Variants in FOXK2 observed in about 807,000 individuals in gnomAD.
FOXK2 encodes forkhead box protein K2.
In FOXK2, 24 loss-of-function variants were observed where a neutral mutation model predicts 53.3. That is an observed-to-expected ratio of 0.45 (90% confidence interval 0.33 to 0.63). FOXK2 has a LOEUF of 0.63. FOXK2 is among the 30% of genes least tolerant of loss of function. FOXK2 has a pLI of 0.03. For synonymous variants in FOXK2, 505 were observed against 407.1 expected (o/e 1.24, Z -2.89); for missense variants, 952 against 910.5 (o/e 1.05, Z -0.59).
chr17:82,577,012 A>AT lies in FOXK2; in HGVS notation c.909+5144dup, dbSNP rs1250773105. 10 of 410,458 alleles carry AT rather than the reference A, an allele frequency of 2.4e-5. No individual in the cohort carries two copies. In the East Asian group the frequency reaches 5.0e-4, roughly 21 times the overall value. The allele number at this position is 410,458 out of a possible 1,614,324, so 25.4% of individuals were successfully genotyped here. A position where few individuals can be genotyped will look rare whatever the true frequency, so the allele number is the denominator to read the frequency against. ...ACATCTCTACTAAAAATACAATATT[A>AT]TTAGCGGGGTGTGGTGGTGCGTGCC... is the stretch of plus-strand genomic sequence containing the variant. On this transcript the variant is annotated intron_variant, in intron 4 of 8. Transcript: ENST00000335255.
At chr17:82,567,612 C>A (rs1052471804) in intron 2 of FOXK2, among the ~76,000 whole-genome samples, 1 of 152,160 alleles carries the variant, frequency 6.6e-6, no homozygotes, top group Non-Finnish European at 1.5e-5. Flanking sequence ...GCTGGCAGAC[C>A]CCTCCCCTCC....
intron 4 of FOXK2, chr17:82,577,448 C>A: frequency 5.5e-6 from 2 of 364,770 alleles, no homozygotes; most frequent in Non-Finnish European, 1.0e-5. Context: ...GCATGCAGGG[C>A]GTGGCGGGCG....
Position 82,586,104 on chromosome 17 carries a change from T to A in FOXK2, c.1480T>A (p.Tyr494Asn), listed in dbSNP as rs1431334741. 88 of 1,612,496 alleles carry A rather than the reference T, an allele frequency of 5.5e-5. No individual in the cohort carries two copies. Among genetic ancestry groups the A allele is most frequent in the Non-Finnish European group, 7.3e-5 (86 of 1,179,938 alleles). ...GGCCGGACTGGCCCCAGCGAACACG[T>A]ACACTGTCTCTGGACAAGCTGTGGT... Reference protein sequence around the residue: ...SVAGLAPANTYTVSGQAVVTP... With the variant: ...SVAGLAPANTNTVSGQAVVTP... The change falls in exon 7 of 9, where the codon TAC becomes AAC. Residue 494 changes from tyrosine (Y) to asparagine (N), a missense_variant. Physicochemically the swap from Tyr to Asn is moderately radical, Grantham distance 143. Around this residue, in one of 5 missense-constraint regions of FOXK2, gnomAD observed 551 missense variants for 385.1 expected, o/e 1.43. Transcript: ENST00000335255.
At chr17:82,566,479 T>C (rs762670157) in intron 2 of FOXK2, among the ~76,000 whole-genome samples, 5 of 152,156 alleles carry the variant, frequency 3.3e-5, no homozygotes, top group Non-Finnish European at 7.4e-5. Context: ...ATAGTAAGTG[T>C]GCAAGTGGGT....
At chr17:82,549,087 T>C (rs1346338742) in intron 1 of FOXK2, among the ~76,000 whole-genome samples, 1 of 152,182 alleles carries the variant, frequency 6.6e-6, no homozygotes, top group Non-Finnish European at 1.5e-5. Flanking sequence ...CTAAAACACA[T>C]CCCGAATGAC....
intron 1 of FOXK2, among the ~76,000 whole-genome samples, chr17:82,550,659 C>T (rs548303363): frequency 3.0e-4 from 46 of 152,160 alleles, no homozygotes; most frequent in African/African-American, 9.9e-4. Flanking sequence ...CCCGCCACCA[C>T]GCCCGGCTAA....
chr17:82,520,727 G>A (rs964539574), intron 1 of FOXK2, among the ~76,000 whole-genome samples: 3 of 152,190 alleles, frequency 2.0e-5, no homozygotes, highest in African/African-American at 4.8e-5. Context: ...ACCGATGAAG[G>A]GTTGTCTGTT....
At position 82,597,199 on chromosome 17, in the gene FOXK2, T is replaced by A. The variant is rs570469554; in HGVS notation, c.1787-4104T>A. ...GATGGTCCTTCCTGGCACCATGTGG[T>A]CCTCGGTGCAAACCAGAGTTTGCAG... On this transcript the variant is annotated intron_variant, in intron 8 of 8. Transcript: ENST00000335255. Among the ~76,000 whole-genome samples the A allele has an allele frequency of 2.6e-5, 4 of 152,296 alleles. No homozygotes were observed. In the South Asian group the frequency reaches 8.3e-4, roughly 32 times the overall value.
intron 3 of FOXK2, among the ~76,000 whole-genome samples, chr17:82,569,946 G>A (rs920133715): frequency 4.0e-4 from 61 of 151,650 alleles, no homozygotes; most frequent in Admixed American, 3.3e-4. Flanking sequence ...GATAGGCTGG[G>A]CGCAGTGGCT....
intron 3 of FOXK2, 122 bp downstream of exon 3, chr17:82,568,323 G>A: frequency 8.4e-7 from 1 of 1,196,108 alleles, no homozygotes; most frequent in Non-Finnish European, 1.2e-6. Context: ...GCATCGGTGG[G>A]GATGTGGGCT....
In FOXK2 at chr17:82,589,821, G is replaced by A. The variant is rs150306379; in HGVS notation, c.1786+2549G>A. On this transcript the variant is annotated intron_variant, in intron 8 of 8. Coordinates refer to ENST00000335255, the MANE Select transcript of FOXK2 (RefSeq NM_004514.4). Reference sequence around the variant, plus strand: ...AGCACTTTGGGAGGTGGAGGTGGGCGGATCACTTGAGATCAGGAGTTGGAG... The same window carrying A: ...AGCACTTTGGGAGGTGGAGGTGGGCAGATCACTTGAGATCAGGAGTTGGAG... Among the ~76,000 whole-genome samples, 597 of 152,288 alleles carry A rather than the reference G, an allele frequency of 3.9e-3. 7 individuals carry two copies. The highest frequency in any genetic ancestry group is 0.013 in the African/African-American group (554 of 41,538).
chr17:82,584,385 G>A (rs889254008), intron 6 of FOXK2, among the ~76,000 whole-genome samples, 197 bp downstream of exon 6: 3 of 151,860 alleles, frequency 2.0e-5, no homozygotes, highest in Admixed American at 6.6e-5. Context: ...TTCTTTAAAC[G>A]ACACTGAGTA....
At chr17:82,579,142 A>AT (rs925063366) in intron 4 of FOXK2, among the ~76,000 whole-genome samples, 1 of 152,054 alleles carries the variant, frequency 6.6e-6, no homozygotes, top group African/African-American at 2.4e-5. Context: ...TGGGATTGCC[A>AT]TTTGCACTGC....
At chr17:82,520,853 G>A (rs1472451570) in intron 1 of FOXK2, among the ~76,000 whole-genome samples, 1 of 152,146 alleles carries the variant, frequency 6.6e-6, no homozygotes, top group African/African-American at 2.4e-5. Flanking sequence ...GGCCAAATTG[G>A]AAGACGCTTC....
At chr17:82,572,650 T>C (rs2044931688) in intron 4 of FOXK2, among the ~76,000 whole-genome samples, 1 of 152,200 alleles carries the variant, frequency 6.6e-6, no homozygotes, top group Non-Finnish European at 1.5e-5. Flanking sequence ...AGTGGGTAGG[T>C]TTGAAATATA....
At position 82,537,182 on chromosome 17, in the gene FOXK2, GT is replaced by G. The variant is rs372031526; in HGVS notation, c.419+16876del. ...GTGGGATGCTGGGCTGGAGCTGCTGGTATTATGTTAGGAAGGTTATTCCTGA... is the reference window on the plus strand; with the variant it reads ...GTGGGATGCTGGGCTGGAGCTGCTGGATTATGTTAGGAAGGTTATTCCTGA... On this transcript the variant is annotated intron_variant, in intron 1 of 8. Coordinates refer to ENST00000335255, the MANE Select transcript of FOXK2 (RefSeq NM_004514.4). 1.4e-3 allele frequency among the ~76,000 whole-genome samples: 217 copies of G among 152,294 alleles called. 1 individual carries two copies. The highest frequency in any genetic ancestry group is 5.1e-3 in the African/African-American group (211 of 41,562).
At position 82,581,936 on chromosome 17, in the gene FOXK2, G is replaced by A. The variant is rs540424968; in HGVS notation, c.910-805G>A. ...GGGAAATTTTTCCTGTGTACGTTAC[G>A]AAATTATTTCAGAGTTCAAATAAAA... On this transcript the variant is annotated intron_variant, in intron 4 of 8. Transcript: ENST00000335255. 1.8e-4 allele frequency among the ~76,000 whole-genome samples: 27 copies of A among 152,240 alleles called. 1 individual carries two copies. Among genetic ancestry groups the A allele is most frequent in the African/African-American group, 3.1e-4 (13 of 41,554 alleles).
intron 8 of FOXK2, among the ~76,000 whole-genome samples, chr17:82,594,160 G>A (rs768335496): frequency 1.1e-4 from 17 of 152,220 alleles, no homozygotes; most frequent in Non-Finnish European, 1.9e-4. Context: ...GTTGTCAAGT[G>A]TTATGACGTA....
intron 4 of FOXK2, among the ~76,000 whole-genome samples, chr17:82,577,667 T>C (rs1460342811): frequency 1.3e-5 from 2 of 152,158 alleles, no homozygotes; most frequent in Admixed American, 6.5e-5. Flanking sequence ...TTGTTGTGAC[T>C]ATGAGAAGTT....
Sources: allele counts gnomAD v4.1 joint callset (sites outside exome capture counted in the v4.1 genomes callset), GRCh38; gene constraint gnomAD v4.1.1; regional missense constraint gnomAD v4.1.1; transcripts MANE v1.5; gene names NCBI Gene and HGNC (gene_info 2026-07-23, HGNC 2026-07-21).